Variants in GREB1L observed in about 807,000 individuals in gnomAD.
GREB1L encodes GREB1 like retinoic acid receptor coactivator, also known as GREB1-like protein.
In GREB1L, 17 loss-of-function variants were observed where a neutral mutation model predicts 200.8. That is an observed-to-expected ratio of 0.08 (90% confidence interval 0.06 to 0.13). The LOEUF is 0.13. Among genes scored for constraint, GREB1L ranks in the 10% least tolerant of loss-of-function variants. The probability of loss-of-function intolerance (pLI) is 1.00; values close to 1 mark genes in which losing one functional copy is unlikely to be tolerated. For synonymous variants in GREB1L, 789 were observed against 893.0 expected (o/e 0.88, Z 2.08); for missense variants, 1,657 against 2,367.7 (o/e 0.70, Z 6.23).
intron 1 of GREB1L, among the ~76,000 whole-genome samples, chr18:21,357,500 T>C (rs2039522844): frequency 6.6e-6 from 1 of 152,248 alleles, no homozygotes; most frequent in Non-Finnish European, 1.5e-5. Flanking sequence ...ATCTCATTTG[T>C]CTGTTTTTGC....
At chr18:21,516,853 A>G in intron 30 of GREB1L, 99 bp downstream of exon 30, 1 of 1,123,158 alleles carries the variant, frequency 8.9e-7, no homozygotes, top group Non-Finnish European at 1.2e-6. Flanking sequence ...CTATTTTATT[A>G]GAAAAGTGAA....
rs538559677 is a variant in GREB1L at position 21,507,865 on chromosome 18, G to GT, written c.4369-252dup. 1.4e-3 allele frequency among the ~76,000 whole-genome samples: 214 copies of GT among 152,316 alleles called. 4 individuals are homozygous for GT. In the South Asian group the frequency reaches 0.043, roughly 31 times the overall value. ...TGGCTCTGAGAGCACACAGAATGCA[G>GT]TGCCAGGCAACAAGTACTTCTTCCA... On this transcript the variant is annotated intron_variant, in intron 25 of 32. Transcript: ENST00000424526.
chr18:21,361,009 G>A (rs1392207751), intron 1 of GREB1L, among the ~76,000 whole-genome samples: 12 of 152,076 alleles, frequency 7.9e-5, no homozygotes, highest in Non-Finnish European at 1.6e-4. Flanking sequence ...AAGTCGTGGT[G>A]GTCTGTTATC....
Position 21,490,037 on chromosome 18 carries a change from G to A in GREB1L, c.2716G>A (p.Val906Ile), listed in dbSNP as rs2036269301. The A allele has an allele frequency of 3.2e-6, 5 of 1,551,714 alleles. No individual in the cohort carries two copies. The highest frequency in any genetic ancestry group is 3.5e-6 in the Non-Finnish European group (4 of 1,147,026). Reference protein sequence around the residue: ...ERYPRLHSMVVRCYLLIQQYS... With the variant: ...ERYPRLHSMVIRCYLLIQQYS... ...GTACCCCAGGCTGCACAGCATGGTC[G>A]TCCGCTGCTATCTTCTCATCCAGCA... Residue 906 changes from valine (V) to isoleucine (I), a missense_variant, in exon 19 of 33, where the codon GTC becomes ATC. Val to Ile is a conservative substitution (Grantham distance 29). Around this residue, in one of 9 missense-constraint regions of GREB1L, gnomAD observed 82 missense variants for 95.9 expected, o/e 0.85. Transcript: ENST00000424526.
chr18:21,245,795 G>A (rs954820526), intron 1 of GREB1L, among the ~76,000 whole-genome samples: 8 of 152,144 alleles, frequency 5.3e-5, no homozygotes, highest in African/African-American at 1.9e-4. Flanking sequence ...TCCACTCACT[G>A]CAAGCTCCGC....
chr18:21,509,712 C>G (rs1460359120), intron 27 of GREB1L, among the ~76,000 whole-genome samples: 1 of 152,114 alleles, frequency 6.6e-6, no homozygotes, highest in Non-Finnish European at 1.5e-5. Context: ...CTAACTGAAG[C>G]CTTTTTCTAT....
At position 21,467,411 on chromosome 18, in the gene GREB1L, T is replaced by C. The variant is rs1213505140; in HGVS notation, c.2183-5620T>C. On this transcript the variant is annotated intron_variant, in intron 15 of 32. Coordinates refer to ENST00000424526, the MANE Select transcript of GREB1L (RefSeq NM_001142966.3). ...AACTCAATAATAAAAAGACAAATTGTTTAATTAAGATATGGATGAAGGATC... is the reference window on the plus strand; with the variant it reads ...AACTCAATAATAAAAAGACAAATTGCTTAATTAAGATATGGATGAAGGATC... 2.0e-5 allele frequency among the ~76,000 whole-genome samples: 3 copies of C among 152,206 alleles called. No homozygotes were observed. The East Asian group carries it at 5.8e-4, about 29-fold the overall frequency.
At chr18:21,428,758 C>G (rs1323734854) in intron 7 of GREB1L, among the ~76,000 whole-genome samples, 2 of 143,424 alleles carry the variant, frequency 1.4e-5, no homozygotes, top group African/African-American at 5.2e-5. Flanking sequence ...CTGTTGTCAG[C>G]CCGGGCTGGA....
intron 23 of GREB1L, among the ~76,000 whole-genome samples, chr18:21,501,261 T>A (rs977984985): frequency 4.6e-5 from 7 of 151,240 alleles, no homozygotes; most frequent in Non-Finnish European, 1.0e-4. Flanking sequence ...TTTTTTTTTT[T>A]AATTTAAGTT....
At chr18:21,463,368 A>G (rs1314020506) in intron 15 of GREB1L, among the ~76,000 whole-genome samples, 1 of 151,506 alleles carries the variant, frequency 6.6e-6, no homozygotes, top group East Asian at 1.9e-4. Context: ...GATGGTCTCG[A>G]TCTCCTGACC....
intron 15 of GREB1L, among the ~76,000 whole-genome samples, chr18:21,469,517 C>CT (rs1442311886): frequency 1.3e-5 from 2 of 152,080 alleles, no homozygotes; most frequent in Non-Finnish European, 2.9e-5. Context: ...TGGGATTAAC[C>CT]TTTTTTCCAA....
At chr18:21,398,252 A>G (rs907530112) in intron 5 of GREB1L, among the ~76,000 whole-genome samples, 1 of 152,200 alleles carries the variant, frequency 6.6e-6, no homozygotes, top group African/African-American at 2.4e-5. Flanking sequence ...TAAGAACTTC[A>G]GCAAGTATTT....
intron 17 of GREB1L, among the ~76,000 whole-genome samples, chr18:21,483,274 A>G (rs2035993826): frequency 6.6e-6 from 1 of 152,228 alleles, no homozygotes; most frequent in Non-Finnish European, 1.5e-5. Flanking sequence ...AACAGGGGCC[A>G]AGGGTGAGAG....
chr18:21,418,058 T>C (rs1401701852), intron 7 of GREB1L, among the ~76,000 whole-genome samples: 2 of 152,114 alleles, frequency 1.3e-5, no homozygotes, highest in Non-Finnish European at 2.9e-5. Flanking sequence ...ATTTTTAAAT[T>C]TAAATCTATT....
chr18:21,512,126 G>A (rs1173671909), intron 27 of GREB1L, among the ~76,000 whole-genome samples: 1 of 152,136 alleles, frequency 6.6e-6, no homozygotes, highest in East Asian at 1.9e-4. Flanking sequence ...CAGGAAGTGT[G>A]AGATCTCTAA....
chr18:21,328,116 GCTTCAAC>G (rs2039051754), intron 1 of GREB1L, among the ~76,000 whole-genome samples: 1 of 152,108 alleles, frequency 6.6e-6, no homozygotes, highest in African/African-American at 2.4e-5. Flanking sequence ...AATGTCTTCA[GCTTCAAC>G]CTTTCTCTGT....
chr18:21,461,453 T>C (rs2035043958), intron 15 of GREB1L, among the ~76,000 whole-genome samples: 1 of 152,066 alleles, frequency 6.6e-6, no homozygotes, highest in Admixed American at 6.5e-5. Context: ...CATCCTCACC[T>C]CTGTCTCCCA....
chr18:21,328,022 C>A (rs2039050123), intron 1 of GREB1L, among the ~76,000 whole-genome samples: 1 of 152,098 alleles, frequency 6.6e-6, no homozygotes, highest in Non-Finnish European at 1.5e-5. Context: ...CCAACCCCAG[C>A]CTTTCTTAAC....
chr18:21,466,658 T>C (rs567113670), intron 15 of GREB1L, among the ~76,000 whole-genome samples: 52 of 152,148 alleles, frequency 3.4e-4, no homozygotes, highest in Non-Finnish European at 7.5e-4. Context: ...ATATTAATAT[T>C]TTTAAGATGA....
Sources: gnomAD v4.1 joint callset for allele counts (sites outside exome capture counted in the v4.1 genomes callset) on GRCh38, gnomAD v4.1.1 for gene constraint, gnomAD v4.1.1 regional missense constraint, MANE v1.5 for transcripts, NCBI Gene and HGNC (gene_info 2026-07-23, HGNC 2026-07-21) for gene names.